KCNJ6: variants seen among roughly 807,000 people sequenced by gnomAD.
KCNJ6 encodes the protein G protein-activated inward rectifier potassium channel 2.
KCNJ6 carries 9 observed loss-of-function variants against 34.2 expected under a neutral mutation model. That is an observed-to-expected ratio of 0.26 (90% CI 0.16 to 0.46). The LOEUF (loss-of-function observed/expected upper bound fraction) is 0.46. Among genes scored for constraint, KCNJ6 ranks in the 20% least tolerant of loss-of-function variants. The probability of loss-of-function intolerance (pLI) is 1.00; values close to 1 mark genes in which losing one functional copy is unlikely to be tolerated. For missense variants in KCNJ6, 236 were observed against 531.3 expected, an observed-to-expected ratio of 0.44 and a Z score of 5.46; for synonymous variants, 196 against 207.1, an observed-to-expected ratio of 0.95 and a Z score of 0.46.
At chr21:37,812,698 T>C (rs2055328829) in intron 2 of KCNJ6, among the ~76,000 whole-genome samples, 1 of 152,056 alleles carries the variant, frequency 6.6e-6, no homozygotes, top group Admixed American at 6.6e-5. Flanking sequence ...TGAGAAAAAA[T>C]TTGATAAAAT....
intron 2 of KCNJ6, among the ~76,000 whole-genome samples, chr21:37,720,247 G>A (rs570080703): frequency 6.6e-6 from 1 of 152,072 alleles, no homozygotes; most frequent in East Asian, 1.9e-4. Flanking sequence ...TTTAAGAAAT[G>A]TATCACACAA....
chr21:37,741,065 A>G (rs1298358778), intron 2 of KCNJ6, among the ~76,000 whole-genome samples: 5 of 152,136 alleles, frequency 3.3e-5, no homozygotes, highest in Admixed American at 6.5e-5. Context: ...CGCTCCCTAT[A>G]TGTAGATGAC....
chr21:37,657,176 A>G (rs2054468216), intron 3 of KCNJ6, among the ~76,000 whole-genome samples: 1 of 152,092 alleles, frequency 6.6e-6, no homozygotes, highest in South Asian at 2.1e-4. Flanking sequence ...GGGACCTGGG[A>G]ACTCTCTCCT....
chr21:37,663,801 AAAATT>A (rs1437858359), intron 3 of KCNJ6, among the ~76,000 whole-genome samples: 9 of 152,230 alleles, frequency 5.9e-5, no homozygotes, highest in African/African-American at 2.2e-4. Flanking sequence ...CAGTAATTGA[AAAATT>A]AAATTAATAG....
chr21:37,754,011 A>G (rs2055010951), intron 2 of KCNJ6, among the ~76,000 whole-genome samples: 1 of 152,238 alleles, frequency 6.6e-6, no homozygotes, highest in Non-Finnish European at 1.5e-5. Flanking sequence ...AATCAAAGAC[A>G]ACATGCCTGC....
chr21:37,675,768 C>G lies in KCNJ6; in HGVS notation c.946+38443G>C, dbSNP rs571363266. Among the ~76,000 whole-genome samples the G allele has an allele frequency of 6.6e-6, 1 of 152,326 alleles. No individual in the cohort carries two copies. Among genetic ancestry groups the G allele is most frequent in the African/African-American group, 2.4e-5 (1 of 41,574 alleles). On this transcript the variant is annotated intron_variant, in intron 3 of 3. Transcript: ENST00000609713. This position sits in a 1 kb window ranked among gnomAD's most constrained non-coding sequence, Gnocchi z 4.2. The stretch of plus-strand genomic sequence containing the variant: ...CAAAAGAAGAATTTGGAGGTCCACC[C>G]CTAAACAGTCCATCACTGTTACATT...
At chr21:37,677,768 T>C (rs2054571404) in intron 3 of KCNJ6, among the ~76,000 whole-genome samples, 4 of 2,288 alleles carry the variant, frequency 1.7e-3, no homozygotes, top group South Asian at 0.019. Flanking sequence ...ACCAAACCAT[T>C]TGTCCATCCA....
At chr21:37,705,780 T>C (rs1350261736) in intron 3 of KCNJ6, among the ~76,000 whole-genome samples, 1 of 152,146 alleles carries the variant, frequency 6.6e-6, no homozygotes, top group East Asian at 1.9e-4. Flanking sequence ...GAGGAGAAGT[T>C]CTGCAAAGTA....
At chr21:37,632,330 T>G (rs536354443) in intron 3 of KCNJ6, among the ~76,000 whole-genome samples, 1 of 151,778 alleles carries the variant, frequency 6.6e-6, no homozygotes, top group African/African-American at 2.4e-5. Context: ...TACTTAGGAC[T>G]GAGTGATATT....
chr21:37,886,291 A>G (rs561393495), intron 1 of KCNJ6, among the ~76,000 whole-genome samples: 1 of 152,306 alleles, frequency 6.6e-6, no homozygotes, highest in Admixed American at 6.5e-5. Context: ...ATGCTGGACT[A>G]GAGTATGCAG....
At chr21:37,903,315 C>T (rs906866909) in intron 1 of KCNJ6, among the ~76,000 whole-genome samples, 5 of 152,136 alleles carry the variant, frequency 3.3e-5, no homozygotes, top group Admixed American at 3.3e-4. Flanking sequence ...GGCATTCCCC[C>T]GCACAAGCTC....
intron 1 of KCNJ6, among the ~76,000 whole-genome samples, chr21:37,895,392 C>T (rs1037203186): frequency 6.6e-6 from 1 of 152,180 alleles, no homozygotes; most frequent in Non-Finnish European, 1.5e-5. Context: ...GTGTCTGCTC[C>T]TAGTGGGAGA....
At chr21:37,674,857 A>G (rs1038462074) in intron 3 of KCNJ6, among the ~76,000 whole-genome samples, 1 of 152,164 alleles carries the variant, frequency 6.6e-6, no homozygotes, top group African/African-American at 2.4e-5. Flanking sequence ...TGCAGAGCGC[A>G]TAGCATGAGG....
Position 37,797,302 on chromosome 21 carries a change from C to T in KCNJ6, c.25+43356G>A, listed in dbSNP as rs138763123. ...CTGACCTCAAGTGATCTGCCCGCCT[C>T]GGTCTCCCAAAGCACTGGGATTACA... is the stretch of plus-strand genomic sequence containing the variant. On this transcript the variant is annotated intron_variant, in intron 2 of 3. Transcript: ENST00000609713. 6.4e-3 allele frequency among the ~76,000 whole-genome samples: 975 copies of T among 152,326 alleles called. 7 individuals carry two copies. Among genetic ancestry groups the T allele is most frequent in the African/African-American group, 0.017 (710 of 41,566 alleles).
chr21:37,772,972 A>C (rs991990209), intron 2 of KCNJ6, among the ~76,000 whole-genome samples: 12 of 152,230 alleles, frequency 7.9e-5, no homozygotes, highest in Non-Finnish European at 1.6e-4. Flanking sequence ...GGTCTTTTTC[A>C]TATGGAATAC....
intron 2 of KCNJ6, among the ~76,000 whole-genome samples, chr21:37,750,093 G>T (rs1018728899): frequency 2.0e-5 from 3 of 152,112 alleles, no homozygotes; most frequent in African/African-American, 4.8e-5. Context: ...CACATCAAAA[G>T]AAGACATTTA....
At chr21:37,697,756 C>T (rs2054670095) in intron 3 of KCNJ6, among the ~76,000 whole-genome samples, 1 of 152,166 alleles carries the variant, frequency 6.6e-6, no homozygotes, top group African/African-American at 2.4e-5. Flanking sequence ...GACAGTGTTC[C>T]ACAATCGCCT....
At chr21:37,736,924 C>G (rs558693276) in intron 2 of KCNJ6, among the ~76,000 whole-genome samples, 2 of 152,198 alleles carry the variant, frequency 1.3e-5, no homozygotes, top group African/African-American at 4.8e-5. Context: ...AACTTAGACA[C>G]GAGTTGCTGC....
rs969427949 is a variant in KCNJ6, at chr21:37,607,708, G to T, written c.*17451C>A. On this transcript the variant is annotated 3_prime_UTR_variant, in exon 4 of 4. Transcript: ENST00000609713. The stretch of plus-strand genomic sequence containing the variant: ...GCATGGTGGAAAAGTTGGCAAGATT[G>T]ACCTCAGAAGCAAATCTTAGTGACT... 4.6e-5 allele frequency: 7 copies of T among 152,034 alleles called. No individual in the cohort carries two copies. The highest frequency in any genetic ancestry group is 9.7e-5 in the African/African-American group (4 of 41,386). 9.4% of individuals were successfully genotyped at this position (152,034 alleles called of 1,614,324 possible).
Sources: allele counts gnomAD v4.1 joint callset (sites outside exome capture counted in the v4.1 genomes callset), GRCh38; gene constraint gnomAD v4.1.1; non-coding constraint Gnocchi (gnomAD v3.1); transcripts MANE v1.5; gene names NCBI Gene and HGNC (gene_info 2026-07-23, HGNC 2026-07-21).